The following TMTC4 variants were observed in gnomAD, a reference collection of about 807,000 sequenced individuals.
TMTC4 encodes the protein transmembrane O-mannosyltransferase targeting cadherins 4.
TMTC4 carries 65 observed loss-of-function variants against 86.0 expected under a neutral mutation model. The ratio of observed to expected loss-of-function variants is 0.76; its 90% CI spans 0.62 to 0.93. The LOEUF is 0.93. Ranked by LOEUF, TMTC4 falls within the 40% of genes least tolerant of loss-of-function variation. The pLI, the probability that TMTC4 is intolerant of heterozygous loss-of-function variation, is 0.00. For synonymous variants in TMTC4, 379 were observed against 382.5 expected (o/e 0.99, Z 0.11); for missense variants, 866 against 948.1 (o/e 0.91, Z 1.14).
rs1023460451 is a variant in TMTC4 at position 100,626,146 on chromosome 13, T to C, written c.1511A>G (p.His504Arg). ...LSVCPLNAKV[H>R]YNIGKNLADK... is the part of the protein sequence containing the mutation. ...AGCCAGGTTTTTGCCAATGTTGTAGTGAACCTGCAGACAGAGAATAATTGG... is the reference window on the plus strand; with the variant it reads ...AGCCAGGTTTTTGCCAATGTTGTAGCGAACCTGCAGACAGAGAATAATTGG... The change falls in exon 13 of 19, where the codon CAC becomes CGC. Residue 504 changes from histidine (H) to arginine (R), a missense_variant. Physicochemically the swap from His to Arg is conservative, Grantham distance 29. Transcript: ENST00000342624. 2 of 1,614,054 alleles carry C rather than the reference T, an allele frequency of 1.2e-6. No individual in the cohort carries two copies. The highest frequency in any genetic ancestry group is 2.7e-5 in the African/African-American group (2 of 74,912).
intron 17 of TMTC4, among the ~76,000 whole-genome samples, chr13:100,607,402 A>T (rs1480128142): frequency 6.6e-6 from 1 of 152,100 alleles, no homozygotes; most frequent in African/African-American, 2.4e-5. Context: ...CTGTAATCCC[A>T]GCTACTTGGG....
At chr13:100,658,775 T>C (rs1885421717) in intron 5 of TMTC4, among the ~76,000 whole-genome samples, 2 of 152,256 alleles carry the variant, frequency 1.3e-5, no homozygotes, top group South Asian at 2.1e-4. Flanking sequence ...CTTTGAGCAA[T>C]GTACATTATG....
intron 3 of TMTC4, among the ~76,000 whole-genome samples, chr13:100,665,627 C>T (rs984807267): frequency 1.3e-5 from 2 of 152,202 alleles, no homozygotes; most frequent in Non-Finnish European, 2.9e-5. Flanking sequence ...TCTGTACCAG[C>T]TCCCTAATCA....
At chr13:100,674,902 C>T, upstream of TMTC4, 1 of 984,564 alleles carries the variant, frequency 1.0e-6, no homozygotes, top group African/African-American at 1.7e-5. Flanking sequence ...GCGCGGGCGC[C>T]CCCCAGCACC....
At chr13:100,637,777 C>T (rs2138884589) in intron 8 of TMTC4, 75 bp from the exon 9 acceptor site, 2 of 1,575,504 alleles carry the variant, frequency 1.3e-6, no homozygotes, top group African/African-American at 1.3e-5. Flanking sequence ...TACAGATGTG[C>T]AGCAATTCTG....
At chr13:100,627,190 G>T (rs917441074) in intron 12 of TMTC4, among the ~76,000 whole-genome samples, 4 of 152,208 alleles carry the variant, frequency 2.6e-5, no homozygotes, top group African/African-American at 9.7e-5. Context: ...GGAGCACAGA[G>T]AGCAGGGATG....
chr13:100,635,458 T>G lies in TMTC4; in HGVS notation c.1203-263A>C, dbSNP rs1443526892. Among the ~76,000 whole-genome samples, 3 of 152,026 alleles carry G rather than the reference T, an allele frequency of 2.0e-5. No individual in the cohort carries two copies. The East Asian group carries it at 5.8e-4, about 29-fold the overall frequency. On this transcript the variant is annotated intron_variant, in intron 10 of 18. Coordinates refer to ENST00000342624, the MANE Select transcript of TMTC4 (RefSeq NM_032813.5). Reference sequence around the variant, plus strand: ...AGCCATACAATTCGTATGGAGAAAATTAGCATGATCGCATTTCTGAGGCCT... The same window carrying G: ...AGCCATACAATTCGTATGGAGAAAAGTAGCATGATCGCATTTCTGAGGCCT...
chr13:100,621,583 G>C lies in TMTC4; in HGVS notation c.1836+3952C>G, dbSNP rs1425179751. ...TGGGACTATAGGCGCCTGCCACCAC[G>C]CCTGGCTAATTTTTTGCATTTTTAG... On this transcript the variant is annotated intron_variant, in intron 15 of 18. Transcript: ENST00000342624. Among the ~76,000 whole-genome samples the C allele has an allele frequency of 3.9e-5, 6 of 152,142 alleles. No individual in the cohort carries two copies. In the South Asian group the frequency reaches 1.2e-3, roughly 32 times the overall value.
chr13:100,606,435 A>G lies in TMTC4; in HGVS notation c.2065-8T>C, dbSNP rs1361084798. 6.2e-7 allele frequency: 1 copy of G among 1,608,078 alleles called. No individual in the cohort carries two copies. Among genetic ancestry groups the G allele is most frequent in the Non-Finnish European group, 8.5e-7 (1 of 1,176,278 alleles). On this transcript the variant is annotated splice_polypyrimidine_tract_variant and splice_region_variant and intron_variant, in intron 17 of 18. Coordinates refer to ENST00000342624, the MANE Select transcript of TMTC4 (RefSeq NM_032813.5). ...GAATAAAGCTTCAGATTCCTAAAAA[A>G]TGAGAAACATAAAAAGGAAGATATT...
chr13:100,674,211 C>A, intron 1 of TMTC4: 1 of 981,868 alleles, frequency 1.0e-6, no homozygotes, highest in Non-Finnish European at 1.2e-6. Flanking sequence ...CCGCTCCGCT[C>A]CGCAGCCGAG....
intron 17 of TMTC4, among the ~76,000 whole-genome samples, chr13:100,607,878 G>A (rs113369974): frequency 0.022 from 3,305 of 152,166 alleles, 123 homozygotes; most frequent in African/African-American, 0.07. Flanking sequence ...TCTACATTCC[G>A]AGTTTCAGGG....
intron 6 of TMTC4, 149 bp downstream of exon 6, chr13:100,656,232 T>A (rs1885090028): frequency 3.4e-6 from 2 of 589,276 alleles, no homozygotes; most frequent in African/African-American, 3.8e-5. Context: ...GACATACATA[T>A]CTAAAGAGAG....
At position 100,612,446 on chromosome 13, in the gene TMTC4, A is replaced by G; in HGVS notation, c.2016T>C (p.Ser672=). 1 of 1,611,626 alleles carries G rather than the reference A, an allele frequency of 6.2e-7. No individual in the cohort carries two copies. The highest frequency in any genetic ancestry group is 8.5e-7 in the Non-Finnish European group (1 of 1,179,214). ...GCACGTTTGCCAACGAGAACATGAGAGAGTGATCATTAGGTATTAATTCCA... is the reference window on the plus strand; with the variant it reads ...GCACGTTTGCCAACGAGAACATGAGGGAGTGATCATTAGGTATTAATTCCA... The part of the protein sequence containing the change: ...EALELIPNDH[S]LMFSLANVLG... The change falls in exon 17 of 19, where the codon TCT becomes TCC. Residue 672 remains serine (S), a synonymous_variant. Transcript: ENST00000342624.
intron 3 of TMTC4, chr13:100,666,257 AAC>A: frequency 6.0e-6 from 2 of 333,060 alleles, no homozygotes; most frequent in South Asian, 4.9e-5. Flanking sequence ...GCATCTGGAA[AAC>A]AGTCTCTAAC....
upstream of TMTC4, chr13:100,675,013 A>G (rs1887690264): frequency 2.0e-6 from 2 of 985,526 alleles, no homozygotes; most frequent in Non-Finnish European, 2.4e-6. Context: ...CGCGCCGGTG[A>G]CGTCAGGCCA....
rs1232461438 is a variant in TMTC4, at chr13:100,642,247, C to T, written c.705G>A (p.Val235=). Residue 235 remains valine (V), a synonymous_variant, in exon 7 of 19, where the codon GTG becomes GTA. Transcript: ENST00000342624. The part of the protein sequence containing the change: ...WVLLSIFLGA[V]AMLCKEQGIT... ...TCCCTTGCTCTTTGCACAGCATGGC[C>T]ACTGCTCCCAGAAAGATACTCAGCA... 3.1e-6 allele frequency: 5 copies of T among 1,614,068 alleles called. No homozygotes were observed. In the African/African-American group the frequency reaches 6.7e-5, roughly 22 times the overall value.
At chr13:100,673,254 G>A (rs9518130) in intron 1 of TMTC4, 297,637 of 931,838 alleles carry the variant, frequency 0.32, 49,427 homozygotes, top group Admixed American at 0.38. Context: ...AACCATGAGG[G>A]CCCAATGACA....
intron 3 of TMTC4, among the ~76,000 whole-genome samples, chr13:100,667,049 T>G (rs1480329113): frequency 6.6e-6 from 1 of 152,152 alleles, no homozygotes; most frequent in Admixed American, 6.5e-5. Context: ...TTAGTTCTTT[T>G]AAGCATGGTT....
intron 12 of TMTC4, among the ~76,000 whole-genome samples, chr13:100,628,377 C>T (rs896671238): frequency 8.7e-6 from 1 of 115,144 alleles, no homozygotes; most frequent in African/African-American, 2.9e-5. Context: ...ACACCACATT[C>T]TGTTTGTCCA....
Sources: allele counts gnomAD v4.1 joint callset (sites outside exome capture counted in the v4.1 genomes callset), GRCh38; gene constraint gnomAD v4.1.1; transcripts MANE v1.5; gene names NCBI Gene and HGNC (gene_info 2026-07-23, HGNC 2026-07-21).